Variants in STOX1 observed in about 807,000 individuals in gnomAD.
The protein encoded by STOX1 is storkhead box 1.
In STOX1, 57 loss-of-function variants were observed where a neutral mutation model predicts 74.8. The observed-to-expected ratio is 0.76, with a 90% CI of 0.62 to 0.95. The LOEUF (loss-of-function observed/expected upper bound fraction) is 0.95, where lower values mean the gene tolerates loss of function less well. STOX1 is among the 40% of genes least tolerant of loss of function. The pLI, the probability that STOX1 is intolerant of heterozygous loss-of-function variation, is 0.00. For synonymous variants in STOX1, 375 were observed against 401.3 expected, an observed-to-expected ratio of 0.93 and a Z score of 0.78; for missense variants, 1,010 against 1,117.0, an observed-to-expected ratio of 0.90 and a Z score of 1.37.
intron 1 of STOX1, among the ~76,000 whole-genome samples, chr10:68,860,405 CTACTAAAAATA>C (rs1840235127): frequency 6.6e-6 from 1 of 151,172 alleles, no homozygotes; most frequent in Non-Finnish European, 1.5e-5. Context: ...AACTCCATCT[CTACTAAAAATA>C]CAAAAAATTA....
chr10:68,881,851 T>C lies in STOX1; in HGVS notation c.311-107T>C, dbSNP rs1840819268. ...TCTGAGTAAAGACTGATGAAAGAAT[T>C]GCAATTCTACCTATTAGTCTTTATT... On this transcript the variant is annotated intron_variant, in intron 1 of 3. Coordinates refer to ENST00000298596, the MANE Select transcript of STOX1 (RefSeq NM_152709.5). The C allele has an allele frequency of 3.1e-6, 4 of 1,279,860 alleles. No homozygotes were observed. In the East Asian group the frequency reaches 9.5e-5, roughly 30 times the overall value. The allele number at this position is 1,279,860 out of a possible 1,614,324, so 79.3% of individuals were successfully genotyped here.
At chr10:68,828,286 GA>G in intron 1 of STOX1, 2 of 1,170,340 alleles carry the variant, frequency 1.7e-6, no homozygotes, top group Non-Finnish European at 1.1e-6. Flanking sequence ...GCGGGACCCG[GA>G]GGGGAGGGGC....
intron 3 of STOX1, among the ~76,000 whole-genome samples, chr10:68,887,986 AT>A (rs34271382): frequency 0.12 from 18,293 of 151,614 alleles, 1,372 homozygotes; most frequent in Admixed American, 0.18. Context: ...ACTGAAAAGT[AT>A]TTTTTTTTCT....
At position 68,865,484 on chromosome 10, in the gene STOX1, C is replaced by T. The variant is rs558457532; in HGVS notation, c.311-16474C>T. The stretch of plus-strand genomic sequence containing the variant: ...CTAACATGGTGAAACCCCGTCTCTA[C>T]TAAAAATACAAAAAATTAGCCAGGC... On this transcript the variant is annotated intron_variant, in intron 1 of 3. Transcript: ENST00000298596. Among the ~76,000 whole-genome samples the T allele has an allele frequency of 1.6e-4, 24 of 152,288 alleles. 1 individual carries two copies. In the South Asian group the frequency reaches 4.6e-3, roughly 29 times the overall value.
chr10:68,893,849 T>G (rs1359454318), downstream of STOX1, among the ~76,000 whole-genome samples: 2 of 152,004 alleles, frequency 1.3e-5, no homozygotes, highest in Admixed American at 1.3e-4. Context: ...TAGAGAAAGG[T>G]GGAAGGAGTC....
intron 1 of STOX1, among the ~76,000 whole-genome samples, chr10:68,880,164 C>CTTTTTTTT (rs71028800): frequency 5.3e-4 from 66 of 124,404 alleles, no homozygotes; most frequent in African/African-American, 1.2e-3. Flanking sequence ...TCTTTCTTTC[C>CTTTTTTTT]TTTTTTTTTT....
At position 68,848,154 on chromosome 10, in the gene STOX1, G is replaced by A. The variant is rs185425190; in HGVS notation, c.310+20221G>A. Among the ~76,000 whole-genome samples the A allele has an allele frequency of 1.2e-4, 17 of 138,808 alleles. 1 individual carries two copies. In the East Asian group the frequency reaches 3.5e-3, roughly 29 times the overall value. 91.1% of individuals were successfully genotyped at this position (138,808 alleles called of 152,430 possible). ...CAGCCCTGACCTGGGTGCCAGGTGG[G>A]AGATAGTGAGGGACACTAGGTCCTG... On this transcript the variant is annotated intron_variant, in intron 1 of 3. Coordinates refer to ENST00000298596, the MANE Select transcript of STOX1 (RefSeq NM_152709.5).
intron 1 of STOX1, among the ~76,000 whole-genome samples, chr10:68,829,442 A>G (rs1401938114): frequency 1.3e-5 from 2 of 152,182 alleles, no homozygotes; most frequent in Non-Finnish European, 2.9e-5. Context: ...GCTTGAATCC[A>G]GGAGGTGGTG....
chr10:68,835,733 G>T (rs960127798), intron 1 of STOX1, among the ~76,000 whole-genome samples: 4 of 152,156 alleles, frequency 2.6e-5, no homozygotes, highest in African/African-American at 4.8e-5. Flanking sequence ...CCGCTTATGC[G>T]CATTCCTACT....
At chr10:68,870,685 C>T (rs756955724) in intron 1 of STOX1, among the ~76,000 whole-genome samples, 4 of 152,108 alleles carry the variant, frequency 2.6e-5, no homozygotes, top group South Asian at 2.1e-4. Context: ...TGGAAGTGCA[C>T]GTCAGAGAGT....
At chr10:68,829,099 A>C in intron 1 of STOX1, 1 of 578,342 alleles carries the variant, frequency 1.7e-6, no homozygotes, top group South Asian at 7.6e-5. Flanking sequence ...TCCGCGCTTA[A>C]TTTTCATTCT....
At chr10:68,828,352 C>G (rs12241123) in intron 1 of STOX1, 72 of 1,014,188 alleles carry the variant, frequency 7.1e-5, no homozygotes, top group South Asian at 3.4e-4. Context: ...AGCGCGGCCC[C>G]GTCTTCTGCC....
At chr10:68,866,080 T>C (rs1422076988) in intron 1 of STOX1, among the ~76,000 whole-genome samples, 1 of 152,036 alleles carries the variant, frequency 6.6e-6, no homozygotes, top group Non-Finnish European at 1.5e-5. Context: ...TCATGCATCA[T>C]AGATTGACTT....
intron 1 of STOX1, among the ~76,000 whole-genome samples, chr10:68,844,294 CTT>C (rs777175392): frequency 3.3e-3 from 350 of 104,698 alleles, no homozygotes; most frequent in African/African-American, 0.012. Flanking sequence ...TCTGGATCTT[CTT>C]TTTTTTTTTT....
chr10:68,835,799 G>A (rs915897538), intron 1 of STOX1, among the ~76,000 whole-genome samples: 2 of 152,226 alleles, frequency 1.3e-5, no homozygotes, highest in Admixed American at 6.5e-5. Flanking sequence ...TGAGACTTGA[G>A]GAGTCACTGA....
At chr10:68,887,899 C>G (rs1832052253) in intron 3 of STOX1, among the ~76,000 whole-genome samples, 1 of 151,960 alleles carries the variant, frequency 6.6e-6, no homozygotes, top group Non-Finnish European at 1.5e-5. Context: ...CCGGCCTCCA[C>G]TAATGTTTTC....
chr10:68,838,100 T>C (rs1839605489), intron 1 of STOX1, among the ~76,000 whole-genome samples: 1 of 151,726 alleles, frequency 6.6e-6, no homozygotes. Context: ...AGGGTCTGGC[T>C]CTGTTGCCCA....
At chr10:68,871,420 G>T (rs1341100081) in intron 1 of STOX1, among the ~76,000 whole-genome samples, 1 of 152,234 alleles carries the variant, frequency 6.6e-6, no homozygotes, top group Non-Finnish European at 1.5e-5. Flanking sequence ...CTAAATTCTG[G>T]CAGGTTGAAG....
At chr10:68,855,799 A>T (rs1273100692) in intron 1 of STOX1, among the ~76,000 whole-genome samples, 1 of 151,622 alleles carries the variant, frequency 6.6e-6, no homozygotes, top group Non-Finnish European at 1.5e-5. Flanking sequence ...CTCATCTCCC[A>T]TCAGCTGATA....
Sources: allele counts gnomAD v4.1 joint callset (sites outside exome capture counted in the v4.1 genomes callset), GRCh38; gene constraint gnomAD v4.1.1; transcripts MANE v1.5; gene names NCBI Gene and HGNC (gene_info 2026-07-23, HGNC 2026-07-21).